The following KANSL1L variants were observed in gnomAD, a reference collection of about 807,000 sequenced individuals.
The protein encoded by KANSL1L is KAT8 regulatory NSL complex subunit 1-like protein.
A neutral mutation model predicts 108.6 loss-of-function variants in KANSL1L; 25 were observed. The ratio of observed to expected loss-of-function variants is 0.23; its 90% CI spans 0.17 to 0.32. The LOEUF (loss-of-function observed/expected upper bound fraction) is 0.32. KANSL1L is among the 10% of genes least tolerant of loss of function. KANSL1L has a pLI of 1.00. For missense variants in KANSL1L, 1,137 were observed against 1,125.7 expected, an observed-to-expected ratio of 1.01 and a Z score of -0.14; for synonymous variants, 405 against 395.1, an observed-to-expected ratio of 1.03 and a Z score of -0.30.
chr2:210,132,034 T>A (rs776819021), intron 2 of KANSL1L, among the ~76,000 whole-genome samples: 5 of 152,196 alleles, frequency 3.3e-5, no homozygotes, highest in Non-Finnish European at 7.3e-5. Context: ...TTATCCTACA[T>A]TTTAACAGGA....
intron 8 of KANSL1L, among the ~76,000 whole-genome samples, chr2:210,039,846 T>G (rs535960749): frequency 1.3e-5 from 2 of 151,956 alleles, no homozygotes; most frequent in East Asian, 3.9e-4. Context: ...TTCTCCACTT[T>G]CCCACTAATA....
At chr2:210,155,287 C>T (rs1055418239) in intron 1 of KANSL1L, 9 of 152,150 alleles carry the variant, frequency 5.9e-5, no homozygotes, top group Non-Finnish European at 1.3e-4. Context: ...TGGTGGGCAA[C>T]TGTAATCCCA....
chr2:210,154,501 G>A lies in KANSL1L; in HGVS notation c.82C>T (p.Leu28Phe). 2 of 1,608,168 alleles carry A rather than the reference G, an allele frequency of 1.2e-6. No individual in the cohort carries two copies. Among genetic ancestry groups the A allele is most frequent in the South Asian group, 1.1e-5 (1 of 89,696 alleles). Reference protein sequence around the residue: ...LPSTMESDKMLYMESPRTVDE... With the variant: ...LPSTMESDKMFYMESPRTVDE... ...ACAGTTCTGGGACTTTCCATGTAGA[G>A]CATCTTGTCAGACTCCATGGTACTT... The change falls in exon 2 of 15, where the codon CTC (leucine) becomes TTC (phenylalanine). Residue 28 changes from leucine to phenylalanine, a missense_variant. Physicochemically the swap from Leu to Phe is conservative, Grantham distance 22 (BLOSUM62 0). Transcript: ENST00000281772.
In KANSL1L at chr2:210,099,704, C is replaced by A. The variant is rs947740886; in HGVS notation, c.1429-1497G>T. 2.0e-4 allele frequency among the ~76,000 whole-genome samples: 31 copies of A among 152,220 alleles called. 1 individual carries two copies. The highest frequency in any genetic ancestry group is 2.0e-3 in the Admixed American group (30 of 15,294). On this transcript the variant is annotated intron_variant, in intron 4 of 14. Coordinates refer to ENST00000281772, the MANE Select transcript of KANSL1L (RefSeq NM_152519.4). ...ACCTCCAAAAAACATCATCTAAAAT[C>A]TTTTAAGCCACTGGACGTCGCTAAT...
At chr2:210,109,041 T>TG (rs1010903915) in intron 3 of KANSL1L, among the ~76,000 whole-genome samples, 9 of 152,158 alleles carry the variant, frequency 5.9e-5, no homozygotes, top group African/African-American at 2.2e-4. Flanking sequence ...CTAGTTCCAT[T>TG]GGTTCATCAA....
chr2:210,110,625 G>A (rs1456354431), intron 3 of KANSL1L, among the ~76,000 whole-genome samples: 2 of 152,080 alleles, frequency 1.3e-5, no homozygotes, highest in Non-Finnish European at 2.9e-5. Flanking sequence ...GGTACAGAGA[G>A]ACAAATGAGA....
At chr2:210,083,719 C>G (rs2094610011) in intron 5 of KANSL1L, among the ~76,000 whole-genome samples, 1 of 150,184 alleles carries the variant, frequency 6.7e-6, no homozygotes, top group Admixed American at 6.7e-5. Flanking sequence ...GTCCCAGCTA[C>G]TTGGGAGGCT....
intron 12 of KANSL1L, among the ~76,000 whole-genome samples, chr2:210,026,610 A>T (rs1302203066): frequency 6.6e-6 from 1 of 152,212 alleles, no homozygotes; most frequent in Non-Finnish European, 1.5e-5. Context: ...TTCTAAACCG[A>T]AGAGCAAATT....
At chr2:210,167,698 CAAAA>C (rs67683290) in intron 1 of KANSL1L, among the ~76,000 whole-genome samples, 13,182 of 151,836 alleles carry the variant, frequency 0.087, 595 homozygotes, top group Middle Eastern at 0.12. Context: ...ATAAAATAAA[CAAAA>C]AGTTCATAAA....
intron 5 of KANSL1L, among the ~76,000 whole-genome samples, chr2:210,083,134 A>G (rs2094603493): frequency 1.3e-5 from 2 of 152,204 alleles, no homozygotes; most frequent in Admixed American, 6.5e-5. Context: ...TCTTACAAGG[A>G]AAGTCAAGGA....
intron 1 of KANSL1L, among the ~76,000 whole-genome samples, chr2:210,165,369 A>C (rs1158940395): frequency 1.3e-5 from 2 of 152,126 alleles, no homozygotes; most frequent in Non-Finnish European, 2.9e-5. Flanking sequence ...AAGTCTTATT[A>C]AAAAACACCA....
At chr2:210,062,627 T>C (rs2094431636) in intron 6 of KANSL1L, among the ~76,000 whole-genome samples, 1 of 152,150 alleles carries the variant, frequency 6.6e-6, no homozygotes, top group Non-Finnish European at 1.5e-5. Flanking sequence ...AGGAACTTGT[T>C]GGGAACTGGA....
intron 4 of KANSL1L, 92 bp from the exon 5 acceptor site, chr2:210,098,299 A>C: frequency 9.2e-6 from 10 of 1,088,364 alleles, no homozygotes; most frequent in Non-Finnish European, 1.1e-5. Flanking sequence ...TTAACTTCTC[A>C]TGACACACAT....
chr2:210,170,384 G>A (rs1404717122), intron 1 of KANSL1L: 2 of 985,294 alleles, frequency 2.0e-6, no homozygotes, highest in East Asian at 1.1e-4. Flanking sequence ...CCCAGAGTAA[G>A]AAAACATTAC....
chr2:210,135,443 G>A (rs1312268513), intron 2 of KANSL1L, among the ~76,000 whole-genome samples: 1 of 152,144 alleles, frequency 6.6e-6, no homozygotes, highest in Non-Finnish European at 1.5e-5. Context: ...GCCCTCAGCA[G>A]CTCAGCTTAG....
chr2:210,155,844 A>T (rs1648919774), intron 1 of KANSL1L, among the ~76,000 whole-genome samples: 1 of 152,226 alleles, frequency 6.6e-6, no homozygotes, highest in Admixed American at 6.5e-5. Flanking sequence ...GTTGATAGTC[A>T]TTTAAATGGC....
chr2:210,091,340 T>C (rs2094691458), intron 5 of KANSL1L, among the ~76,000 whole-genome samples: 1 of 152,200 alleles, frequency 6.6e-6, no homozygotes, highest in African/African-American at 2.4e-5. Context: ...CTATTTTCTA[T>C]TTATCCTTTT....
chr2:210,057,634 C>T (rs578029801), intron 6 of KANSL1L, among the ~76,000 whole-genome samples: 8 of 152,086 alleles, frequency 5.3e-5, no homozygotes, highest in East Asian at 1.9e-4. Context: ...CCGGGTGTTG[C>T]GGGAAGCCAG....
chr2:210,164,002 A>AATTAGGAAAC (rs1227349913), intron 1 of KANSL1L, among the ~76,000 whole-genome samples: 4 of 152,142 alleles, frequency 2.6e-5, no homozygotes, highest in Non-Finnish European at 5.9e-5. Flanking sequence ...AAGGCAAAAA[A>AATTAGGAAAC]ATTAGGAAAC....
Sources: gnomAD v4.1 joint callset for allele counts (sites outside exome capture counted in the v4.1 genomes callset) on GRCh38, gnomAD v4.1.1 for gene constraint, MANE v1.5 for transcripts, NCBI Gene and HGNC (gene_info 2026-07-23, HGNC 2026-07-21) for gene names.